MALRD1: variants seen among roughly 807,000 people sequenced by gnomAD.
MALRD1 encodes the protein MAM and LDL receptor class A domain containing 1.
In MALRD1, 247 loss-of-function variants were observed where a neutral mutation model predicts 242.1. The observed-to-expected ratio is 1.02, with a 90% CI of 0.92 to 1.13. The LOEUF is 1.13. Ranked by LOEUF, MALRD1 falls within the 50% of genes most tolerant of loss-of-function variation. MALRD1 has a pLI of 0.00. For synonymous variants in MALRD1, 995 were observed against 866.6 expected (o/e 1.15, Z -2.60); for missense variants, 2,989 against 2,533.1 (o/e 1.18, Z -3.86).
intron 18 of MALRD1, among the ~76,000 whole-genome samples, chr10:19,214,108 G>A (rs1252717256): frequency 2.0e-5 from 3 of 152,068 alleles, no homozygotes; most frequent in Non-Finnish European, 4.4e-5. Flanking sequence ...TACTTTAGGG[G>A]GACCCTTTGC....
chr10:19,372,717 C>T (rs1481924789), intron 26 of MALRD1, among the ~76,000 whole-genome samples: 3 of 152,114 alleles, frequency 2.0e-5, no homozygotes, highest in African/African-American at 4.8e-5. Flanking sequence ...TTCCACCTGC[C>T]TCGGCCTCCC....
chr10:19,576,242 C>T (rs1363362351), intron 33 of MALRD1, among the ~76,000 whole-genome samples: 1 of 152,200 alleles, frequency 6.6e-6, no homozygotes, highest in Non-Finnish European at 1.5e-5. Context: ...ACTCCCTATG[C>T]CATTCCTCTG....
chr10:19,162,440 A>G (rs1834471763), intron 12 of MALRD1, among the ~76,000 whole-genome samples: 1 of 152,202 alleles, frequency 6.6e-6, no homozygotes, highest in Non-Finnish European at 1.5e-5. Flanking sequence ...TTCTGTGAGG[A>G]ATTTATGACA....
chr10:19,547,816 ATATTTTTTT>A (rs1835299538), intron 32 of MALRD1, among the ~76,000 whole-genome samples: 2 of 13,572 alleles, frequency 1.5e-4, no homozygotes, highest in Non-Finnish European at 1.5e-4. Flanking sequence ...ATATATATAT[ATATTTTTTT>A]TTTTTTTTTT....
At chr10:19,726,243 C>G (rs1013789830) in intron 38 of MALRD1, among the ~76,000 whole-genome samples, 4 of 151,972 alleles carry the variant, frequency 2.6e-5, no homozygotes, top group African/African-American at 9.7e-5. Context: ...AAAATCCATA[C>G]AACTTAAGAA....
chr10:19,258,867 A>G (rs1839628869), intron 19 of MALRD1, among the ~76,000 whole-genome samples: 1 of 151,856 alleles, frequency 6.6e-6, no homozygotes, highest in Non-Finnish European at 1.5e-5. Context: ...CAATCCTGCC[A>G]CTCCTGTATA....
At chr10:19,412,221 G>A (rs751768848) in intron 28 of MALRD1, among the ~76,000 whole-genome samples, 2 of 152,200 alleles carry the variant, frequency 1.3e-5, no homozygotes, top group Non-Finnish European at 2.9e-5. Flanking sequence ...AACTCGGGAG[G>A]TGGAGGTTGC....
chr10:19,617,376 A>G (rs929570491), intron 36 of MALRD1, among the ~76,000 whole-genome samples: 1 of 152,094 alleles, frequency 6.6e-6, no homozygotes, highest in African/African-American at 2.4e-5. Flanking sequence ...AATATCCTAA[A>G]GTATTATTTT....
chr10:19,285,261 A>G (rs1299363343), intron 21 of MALRD1, among the ~76,000 whole-genome samples: 1 of 141,476 alleles, frequency 7.1e-6, no homozygotes, highest in Non-Finnish European at 1.5e-5. Context: ...GTTTAATTAG[A>G]TCCCATTTGT....
chr10:19,375,143 A>T (rs1778938480), intron 26 of MALRD1, among the ~76,000 whole-genome samples: 1 of 152,240 alleles, frequency 6.6e-6, no homozygotes, highest in Admixed American at 6.5e-5. Context: ...ATAACCAATA[A>T]CCAGGTCAGT....
intron 7 of MALRD1, among the ~76,000 whole-genome samples, chr10:19,125,222 A>G (rs190045707): frequency 5.9e-5 from 9 of 152,086 alleles, no homozygotes; most frequent in Non-Finnish European, 1.2e-4. Context: ...CTGAGATTAC[A>G]GGTTTGAGCC....
chr10:19,539,907 C>T (rs1166617872), intron 32 of MALRD1, among the ~76,000 whole-genome samples: 3,509 of 136,956 alleles, frequency 0.026, 73 homozygotes, highest in Middle Eastern at 0.075. Context: ...TGCGCGCGCG[C>T]GTGCGCGCAC....
intron 24 of MALRD1, 26 bp from the exon 25 acceptor site, chr10:19,347,745 A>T: frequency 6.5e-7 from 1 of 1,547,682 alleles, no homozygotes. Flanking sequence ...CATTTTCTGT[A>T]ACATATATTT....
chr10:19,201,215 T>A (rs1186918471), intron 14 of MALRD1, among the ~76,000 whole-genome samples: 1 of 152,188 alleles, frequency 6.6e-6, no homozygotes, highest in Non-Finnish European at 1.5e-5. Context: ...AATGGCTAAC[T>A]AGAAGACTAA....
chr10:19,491,193 G>A (rs764318111), intron 29 of MALRD1: 122 of 526,750 alleles, frequency 2.3e-4, no homozygotes, highest in Non-Finnish European at 4.2e-4. Context: ...GCAGGATTTG[G>A]TGGCAGGCTG....
chr10:19,514,168 G>C (rs1307401196), intron 31 of MALRD1, among the ~76,000 whole-genome samples: 1 of 152,138 alleles, frequency 6.6e-6, no homozygotes, highest in Non-Finnish European at 1.5e-5. Context: ...GTTTATTATA[G>C]TGCAACTGGC....
At chr10:19,075,617 A>G (rs1194515218) in intron 2 of MALRD1, among the ~76,000 whole-genome samples, 2 of 152,040 alleles carry the variant, frequency 1.3e-5, no homozygotes, top group African/African-American at 4.8e-5. Context: ...ATTCTTAGGG[A>G]TGCATGGAAT....
intron 34 of MALRD1, among the ~76,000 whole-genome samples, chr10:19,599,496 G>A (rs184077374): frequency 8.0e-4 from 122 of 152,186 alleles, no homozygotes; most frequent in African/African-American, 2.8e-3. Flanking sequence ...TTATATGGAA[G>A]AACAGCACAA....
At chr10:19,166,272 GT>G (rs1261939913) in intron 13 of MALRD1, among the ~76,000 whole-genome samples, 3 of 152,148 alleles carry the variant, frequency 2.0e-5, no homozygotes, top group Non-Finnish European at 1.5e-5. Flanking sequence ...CATTGAGAAT[GT>G]TATCCACCTT....
Sources: gnomAD v4.1 joint callset for allele counts (sites outside exome capture counted in the v4.1 genomes callset) on GRCh38, gnomAD v4.1.1 for gene constraint, MANE v1.5 for transcripts, NCBI Gene and HGNC (gene_info 2026-07-23, HGNC 2026-07-21) for gene names.